Variants in EPB41L4A observed in about 807,000 individuals in gnomAD.
EPB41L4A encodes the protein erythrocyte membrane protein band 4.1 like 4A.
EPB41L4A carries 100 observed loss-of-function variants against 108.6 expected under a neutral mutation model. That is an observed-to-expected ratio of 0.92 (90% CI 0.78 to 1.09). The LOEUF (loss-of-function observed/expected upper bound fraction) is 1.09. EPB41L4A is among the 50% of genes least tolerant of loss of function. The pLI is 0.00. For synonymous variants in EPB41L4A, 319 were observed against 289.0 expected, an observed-to-expected ratio of 1.10 and a Z score of -1.05; for missense variants, 1,030 against 842.7, an observed-to-expected ratio of 1.22 and a Z score of -2.75.
chr5:112,368,944 G>A (rs187970506), intron 1 of EPB41L4A, among the ~76,000 whole-genome samples: 10 of 152,056 alleles, frequency 6.6e-5, no homozygotes, highest in Middle Eastern at 3.4e-3. Context: ...TCCAGCCCCC[G>A]TTCTCATACT....
At chr5:112,370,792 G>A (rs1292009610) in intron 1 of EPB41L4A, among the ~76,000 whole-genome samples, 1 of 152,126 alleles carries the variant, frequency 6.6e-6, no homozygotes, top group Non-Finnish European at 1.5e-5. Flanking sequence ...GCACATGCCT[G>A]TAGTCCCAGC....
At chr5:112,252,359 C>A (rs1421415323) in intron 9 of EPB41L4A, among the ~76,000 whole-genome samples, 1 of 152,188 alleles carries the variant, frequency 6.6e-6, no homozygotes, top group East Asian at 1.9e-4. Context: ...CACCTAGCAC[C>A]CAGATCTAGA....
intron 12 of EPB41L4A, among the ~76,000 whole-genome samples, chr5:112,217,343 A>T (rs556747853): frequency 2.9e-4 from 44 of 152,354 alleles, no homozygotes; most frequent in African/African-American, 1.0e-3. Context: ...TTCTGCATCC[A>T]ATGGCTAATT....
At chr5:112,379,134 G>C (rs1278494310) in intron 1 of EPB41L4A, among the ~76,000 whole-genome samples, 1 of 152,120 alleles carries the variant, frequency 6.6e-6, no homozygotes, top group Non-Finnish European at 1.5e-5. Flanking sequence ...ACCCTGGGGG[G>C]GTCAAGCTAG....
chr5:112,349,806 G>A (rs1447116093), intron 1 of EPB41L4A, among the ~76,000 whole-genome samples: 1 of 152,080 alleles, frequency 6.6e-6, no homozygotes, highest in East Asian at 1.9e-4. Context: ...AGGCAGAGAG[G>A]GTGACATTTA....
intron 18 of EPB41L4A, among the ~76,000 whole-genome samples, chr5:112,182,535 A>C (rs1461891782): frequency 6.6e-6 from 1 of 152,206 alleles, no homozygotes; most frequent in Non-Finnish European, 1.5e-5. Context: ...AAATAAATTA[A>C]ATGTACTACT....
chr5:112,182,613 T>A (rs1394987403), intron 18 of EPB41L4A, among the ~76,000 whole-genome samples: 1 of 152,218 alleles, frequency 6.6e-6, no homozygotes, highest in African/African-American at 2.4e-5. Context: ...TAAGATTTAA[T>A]ATCAAGTTGC....
chr5:112,317,750 G>A (rs541784532), intron 1 of EPB41L4A, among the ~76,000 whole-genome samples: 2 of 152,202 alleles, frequency 1.3e-5, no homozygotes, highest in East Asian at 3.9e-4. Flanking sequence ...TTCTAAAATT[G>A]TTATGTTTTG....
At chr5:112,150,037 A>T (rs903554141) in intron 12 of EPB41L4A, among the ~76,000 whole-genome samples, 1 of 152,226 alleles carries the variant, frequency 6.6e-6, no homozygotes, top group Non-Finnish European at 1.5e-5. Flanking sequence ...AACAGTAGGG[A>T]TGATTAGCCT....
chr5:112,320,739 G>A (rs776383466), intron 1 of EPB41L4A, among the ~76,000 whole-genome samples: 7 of 152,168 alleles, frequency 4.6e-5, no homozygotes, highest in Admixed American at 1.3e-4. Flanking sequence ...AGTGGCCTAC[G>A]TAGTGATGGG....
intron 9 of EPB41L4A, among the ~76,000 whole-genome samples, chr5:112,245,764 G>C (rs533379057): frequency 6.6e-6 from 1 of 152,210 alleles, no homozygotes; most frequent in African/African-American, 2.4e-5. Context: ...ATCTCACCAA[G>C]TGAACAAGAC....
chr5:112,164,818 A>G lies in EPB41L4A; in HGVS notation c.*172T>C, dbSNP rs1250058602. 4 of 631,866 alleles carry G rather than the reference A, an allele frequency of 6.3e-6. No individual in the cohort carries two copies. The highest frequency in any genetic ancestry group is 9.7e-6 in the Non-Finnish European group (4 of 411,036). 39.1% of individuals were successfully genotyped at this position (631,866 alleles called of 1,614,324 possible). ...CGCTGCACTCCAGCCTGGGCGACAG[A>G]GTGATAACATCTCAAAAAAAAAAAA... is the stretch of plus-strand genomic sequence containing the variant. On this transcript the variant is annotated 3_prime_UTR_variant, in exon 23 of 23. Transcript: ENST00000261486.
Position 112,194,647 on chromosome 5 carries a change from T to C in EPB41L4A, c.1425-2A>G. ...CTGGTGTTACAGCGTGAACGTGACC[T>C]GAAGACAAAAAGGTAAGAACAAAAG... On this transcript the variant is annotated splice_acceptor_variant, in intron 16 of 22. Coordinates refer to ENST00000261486, the MANE Select transcript of EPB41L4A (RefSeq NM_022140.5). LOFTEE classifies it high-confidence loss of function. 1 of 1,595,564 alleles carries C rather than the reference T, an allele frequency of 6.3e-7. No individual in the cohort carries two copies. The highest frequency in any genetic ancestry group is 2.3e-5 in the East Asian group (1 of 44,248).
intron 1 of EPB41L4A, among the ~76,000 whole-genome samples, chr5:112,335,228 C>T (rs763697945): frequency 6.6e-6 from 1 of 152,132 alleles, no homozygotes; most frequent in Non-Finnish European, 1.5e-5. Context: ...AGCAACTGTG[C>T]TAGAGTCTGT....
At chr5:112,208,610 A>C (rs1253418409) in intron 13 of EPB41L4A, among the ~76,000 whole-genome samples, 6 of 152,210 alleles carry the variant, frequency 3.9e-5, no homozygotes, top group African/African-American at 1.4e-4. Flanking sequence ...AAAACTACCT[A>C]TCACGTACTG....
At chr5:112,378,541 A>C (rs1759966760) in intron 1 of EPB41L4A, among the ~76,000 whole-genome samples, 1 of 152,176 alleles carries the variant, frequency 6.6e-6, no homozygotes, top group African/African-American at 2.4e-5. Flanking sequence ...TTCCTCGATA[A>C]ATTAACAACA....
At chr5:112,153,435 A>G (rs1372930711) in intron 12 of EPB41L4A, among the ~76,000 whole-genome samples, 1 of 150,782 alleles carries the variant, frequency 6.6e-6, no homozygotes, top group Non-Finnish European at 1.5e-5. Flanking sequence ...AGGCTGAGGC[A>G]GGAGAATTGC....
chr5:112,212,288 G>GTTTTTTTTTTT (rs747980822), intron 12 of EPB41L4A, among the ~76,000 whole-genome samples: 1 of 139,824 alleles, frequency 7.2e-6, no homozygotes, highest in Non-Finnish European at 1.5e-5. Flanking sequence ...ACCATTAGTT[G>GTTTTTTTTTTT]TTTTTGTTTT....
At chr5:112,184,197 C>G in intron 17 of EPB41L4A, 62 bp from the exon 18 acceptor site, 2 of 1,570,846 alleles carry the variant, frequency 1.3e-6, no homozygotes, top group Non-Finnish European at 1.7e-6. Flanking sequence ...TTAGGTTCAT[C>G]CTAAACTTGC....
Sources: allele counts gnomAD v4.1 joint callset (sites outside exome capture counted in the v4.1 genomes callset), GRCh38; gene constraint gnomAD v4.1.1; transcripts MANE v1.5; gene names NCBI Gene and HGNC (gene_info 2026-07-23, HGNC 2026-07-21).